ZNF155: variants seen among roughly 807,000 people sequenced by gnomAD.
The protein encoded by ZNF155 is KRAB A domain.
In ZNF155, 15 loss-of-function variants were observed where a neutral mutation model predicts 11.9. That is an observed-to-expected ratio of 1.26 (90% CI 0.84 to 1.94). ZNF155 has a LOEUF of 1.94. ZNF155 is among the 30% of genes most tolerant of loss of function. The pLI, the probability that ZNF155 is intolerant of heterozygous loss-of-function variation, is 0.00. For missense variants in ZNF155, 602 were observed against 639.1 expected (o/e 0.94, Z 0.63); for synonymous variants, 212 against 219.9 (o/e 0.96, Z 0.32).
At chr19:43,985,534 T>G (rs906249802) in intron 1 of ZNF155, among the ~76,000 whole-genome samples, 2 of 90,006 alleles carry the variant, frequency 2.2e-5, no homozygotes, top group Non-Finnish European at 4.7e-5. Flanking sequence ...GCTCTTTTTC[T>G]TTTTTTTTTT....
intron 4 of ZNF155, among the ~76,000 whole-genome samples, chr19:43,994,060 G>A (rs1369786291): frequency 6.6e-6 from 1 of 152,116 alleles, no homozygotes; most frequent in Non-Finnish European, 1.5e-5. Context: ...TTTTGTAAAT[G>A]TTTATTGCAG....
intron 4 of ZNF155, among the ~76,000 whole-genome samples, chr19:43,993,743 T>C (rs1357305590): frequency 6.6e-6 from 1 of 152,204 alleles, no homozygotes; most frequent in Non-Finnish European, 1.5e-5. Context: ...TGACAGTGTA[T>C]TAAATATATC....
chr19:43,984,755 G>A (rs996935394), intron 1 of ZNF155, among the ~76,000 whole-genome samples: 1 of 152,154 alleles, frequency 6.6e-6, no homozygotes, highest in Non-Finnish European at 1.5e-5. Context: ...GCCCGGGTGG[G>A]GTCAGAGCTC....
intron 4 of ZNF155, among the ~76,000 whole-genome samples, chr19:43,993,653 A>T (rs191135636): frequency 1.3e-5 from 2 of 152,272 alleles, no homozygotes; most frequent in East Asian, 3.9e-4. Context: ...ACCTCAGGTG[A>T]TCCACCCGCC....
At chr19:43,993,085 TCTATATAC>T in intron 4 of ZNF155, among the ~76,000 whole-genome samples, 1 of 152,304 alleles carries the variant, frequency 6.6e-6, no homozygotes, top group East Asian at 1.9e-4. Flanking sequence ...TTTTCCAAAG[TCTATATAC>T]ACTTCACTGG....
At chr19:43,994,027 T>C (rs978487588) in intron 4 of ZNF155, among the ~76,000 whole-genome samples, 12 of 152,248 alleles carry the variant, frequency 7.9e-5, no homozygotes, top group Admixed American at 2.6e-4. Flanking sequence ...CATGATGCTG[T>C]GATAATTTAC....
In ZNF155 at chr19:43,996,958, A is replaced by G. The variant is rs911897622; in HGVS notation, c.1101A>G (p.Thr367=). The change falls in exon 5 of 5, where the codon ACA becomes ACG. Residue 367 remains threonine, a synonymous_variant. Transcript: ENST00000270014. Reference sequence around the variant, plus strand: ...TTTATAAGCATCAGGTGGTCCACACAGGAGAAAAACCATATAATTGTAAAG... The same window carrying G: ...TTTATAAGCATCAGGTGGTCCACACGGGAGAAAAACCATATAATTGTAAAG... ...LDFYKHQVVH[T]GEKPYNCKEC... is the part of the protein sequence containing the mutation. 1 of 1,610,118 alleles carries G rather than the reference A, an allele frequency of 6.2e-7. No homozygotes were observed.
chr19:43,990,053 CT>C (rs1215189058), intron 2 of ZNF155: 3 of 1,513,620 alleles, frequency 2.0e-6, no homozygotes, highest in Non-Finnish European at 2.6e-6. Context: ...TACTTATAAC[CT>C]GCTCTTGGTC....
At position 43,988,569 on chromosome 19, in the gene ZNF155, C is replaced by T. The variant is rs368965865; in HGVS notation, c.15+11C>T. 29 of 1,598,022 alleles carry T rather than the reference C, an allele frequency of 1.8e-5. No individual in the cohort carries two copies. The highest frequency in any genetic ancestry group is 9.0e-5 in the East Asian group (4 of 44,608). ...ATGACCACATTCAAGGTGAGGGGGGCGTGCCTCTCTCGCTGTTAAAATTCC... is the reference window on the plus strand; with the variant it reads ...ATGACCACATTCAAGGTGAGGGGGGTGTGCCTCTCTCGCTGTTAAAATTCC... On this transcript the variant is annotated intron_variant, in intron 2 of 4. Transcript: ENST00000270014.
chr19:43,990,028 C>T (rs1599839526), intron 2 of ZNF155: 2 of 1,482,162 alleles, frequency 1.3e-6, no homozygotes, highest in Non-Finnish European at 1.8e-6. Context: ...AATCAGATTA[C>T]CAAGACTGTG....
At chr19:43,991,361 G>C (rs544066572) in intron 2 of ZNF155, among the ~76,000 whole-genome samples, 187 bp from the exon 3 acceptor site, 53 of 152,292 alleles carry the variant, frequency 3.5e-4, no homozygotes, top group Admixed American at 5.2e-4. Context: ...ACTTCTGGTG[G>C]AGTTCAGGAA....
intron 1 of ZNF155, among the ~76,000 whole-genome samples, chr19:43,987,210 A>G (rs371406634): frequency 6.6e-6 from 1 of 152,216 alleles, no homozygotes; most frequent in Non-Finnish European, 1.5e-5. Flanking sequence ...ATGTGGTTCC[A>G]TAATTAAATT....
chr19:43,997,426 G>A lies in ZNF155; in HGVS notation c.1569G>A (p.Arg523=), dbSNP rs1488119582. The A allele has an allele frequency of 6.2e-7, 1 of 1,606,214 alleles. No homozygotes were observed. Among genetic ancestry groups the A allele is most frequent in the South Asian group, 1.1e-5 (1 of 89,822 alleles). The change falls in exon 5 of 5, where the codon AGG becomes AGA. Residue 523 remains arginine, a synonymous_variant. Transcript: ENST00000270014. ...KCEDCGRRYK[R]RLNLDILLSL... ...AGGATTGTGGGAGACGCTACAAGAGGCGCTTGAATCTGGATATACTTTTAT... is the reference window on the plus strand; with the variant it reads ...AGGATTGTGGGAGACGCTACAAGAGACGCTTGAATCTGGATATACTTTTAT...
rs398235 is a variant in ZNF155, at chr19:43,996,326, A to T, written c.469A>T (p.Ile157Phe). 1 allele frequency: 1,607,706 copies of T among 1,614,226 alleles called. 800,775 individuals are homozygous for T. Among genetic ancestry groups the T allele is most frequent in the East Asian group, 1 (44,878 of 44,878 alleles). The part of the protein sequence containing the change: ...PSQGGKCKQS[I>F]SDVPIFDLPQ... ...CCAGGGTGGGAAGTGTAAACAGTCC[A>T]TCAGTGATGTTCCCATCTTTGATCT... Residue 157 changes from isoleucine (I) to phenylalanine (F), a missense_variant, in exon 5 of 5, where the codon ATC (isoleucine) becomes TTC (phenylalanine). Ile to Phe is a conservative substitution (Grantham distance 21). Transcript: ENST00000270014.
rs1474384665 is a variant in ZNF155, at chr19:43,996,139, A to G, written c.282A>G (p.Ala94=). ...TELESVPEAG[A]HEEWSCQQIW... is the part of the protein sequence containing the mutation. Reference sequence around the variant, plus strand: ...TGGAGTCTGTTCCAGAAGCAGGAGCACATGAAGAGTGGTCCTGCCAGCAAA... The same window carrying G: ...TGGAGTCTGTTCCAGAAGCAGGAGCGCATGAAGAGTGGTCCTGCCAGCAAA... Residue 94 remains alanine (A), a synonymous_variant, in exon 5 of 5, where the codon GCA becomes GCG. Coordinates refer to ENST00000270014, the MANE Select transcript of ZNF155 (RefSeq NM_198089.3). 6.2e-7 allele frequency: 1 copy of G among 1,613,208 alleles called. No individual in the cohort carries two copies. The highest frequency in any genetic ancestry group is 8.5e-7 in the Non-Finnish European group (1 of 1,179,402).
At chr19:43,988,420 A>G (rs1299311256) in intron 1 of ZNF155, 39 bp from the exon 2 acceptor site, 1 of 1,021,694 alleles carries the variant, frequency 9.8e-7, no homozygotes, top group Non-Finnish European at 1.4e-6. Context: ...GTGATCATTC[A>G]TGGGCTAATT....
rs1975955262 is a variant in ZNF155 at position 43,997,631 on chromosome 19, A to G, written c.*157A>G. ...CATTTGAGAGGAGTTGGTAGACAGC[A>G]AGGGAAGGGTCCCTGGAGACCCCCA... On this transcript the variant is annotated 3_prime_UTR_variant, in exon 5 of 5. Transcript: ENST00000270014. The G allele has an allele frequency of 1.3e-6, 1 of 744,048 alleles. No individual in the cohort carries two copies. The highest frequency in any genetic ancestry group is 2.1e-6 in the Non-Finnish European group (1 of 480,644). 46.1% of individuals were successfully genotyped at this position (744,048 alleles called of 1,614,324 possible).
intron 4 of ZNF155, among the ~76,000 whole-genome samples, chr19:43,995,147 C>A (rs1235795221): frequency 1.3e-5 from 2 of 151,836 alleles, no homozygotes; most frequent in Non-Finnish European, 2.9e-5. Flanking sequence ...GCTCTATCTC[C>A]CAGGTTGGAG....
At chr19:43,992,934 A>C (rs1365535651) in intron 4 of ZNF155, among the ~76,000 whole-genome samples, 2 of 152,266 alleles carry the variant, frequency 1.3e-5, no homozygotes, top group Admixed American at 1.3e-4. Flanking sequence ...TTATGACCAC[A>C]CTGAGTAAGA....
Sources: gnomAD v4.1 joint callset for allele counts (sites outside exome capture counted in the v4.1 genomes callset) on GRCh38, gnomAD v4.1.1 for gene constraint, MANE v1.5 for transcripts, NCBI Gene and HGNC (gene_info 2026-07-23, HGNC 2026-07-21) for gene names.